The following E2F3 variants were observed in gnomAD, a reference collection of about 807,000 sequenced individuals.
E2F3 encodes the protein transcription factor E2F3.
E2F3 carries 11 observed loss-of-function variants against 44.4 expected under a neutral mutation model. The observed-to-expected ratio is 0.25, with a 90% CI of 0.16 to 0.41. E2F3 has a LOEUF of 0.41. Ranked by LOEUF, E2F3 falls within the 10% of genes least tolerant of loss-of-function variation. The pLI, the probability that E2F3 is intolerant of heterozygous loss-of-function variation, is 1.00. For missense variants in E2F3, 487 were observed against 583.6 expected (o/e 0.83, Z 1.70); for synonymous variants, 249 against 253.0 (o/e 0.98, Z 0.15).
At chr6:20,438,427 TTGCC>T (rs1760664359) in intron 1 of E2F3, among the ~76,000 whole-genome samples, 1 of 152,216 alleles carries the variant, frequency 6.6e-6, no homozygotes, top group Non-Finnish European at 1.5e-5. Flanking sequence ...CAACTGGGCT[TTGCC>T]TCAAGGTGTA....
At chr6:20,471,311 G>C (rs148099885) in intron 1 of E2F3, among the ~76,000 whole-genome samples, 6 of 152,144 alleles carry the variant, frequency 3.9e-5, no homozygotes, top group Admixed American at 3.9e-4. Context: ...GGCCGGGCAC[G>C]GTGGCTCACA....
intron 1 of E2F3, among the ~76,000 whole-genome samples, chr6:20,477,163 G>T (rs1224425469): frequency 2.0e-5 from 3 of 151,890 alleles, no homozygotes; most frequent in African/African-American, 7.3e-5. Context: ...TTAGTGATGG[G>T]GGGTCTTGCT....
At chr6:20,422,370 T>C (rs1275853738) in intron 1 of E2F3, among the ~76,000 whole-genome samples, 1 of 152,234 alleles carries the variant, frequency 6.6e-6, no homozygotes, top group Non-Finnish European at 1.5e-5. Context: ...TTTGATCTTC[T>C]ATCCAGACCA....
At position 20,402,706 on chromosome 6, in the gene E2F3, C is replaced by T; in HGVS notation, c.393+81C>T. 6 of 1,272,490 alleles carry T rather than the reference C, an allele frequency of 4.7e-6. No homozygotes were observed. The highest frequency in any genetic ancestry group is 5.9e-6 in the Non-Finnish European group (6 of 1,012,748). The allele number at this position is 1,272,490 out of a possible 1,614,324, so 78.8% of individuals were successfully genotyped here. On this transcript the variant is annotated intron_variant, in intron 1 of 6. Transcript: ENST00000346618. This position sits in a 1 kb window ranked among gnomAD's most constrained non-coding sequence, Gnocchi z 5.6. ...CGCGGGGTCGTGGGCGCGCTGCGGG[C>T]CGCTCGGGGAGAGCACTGGGCCGAG...
intron 1 of E2F3, among the ~76,000 whole-genome samples, chr6:20,446,427 C>T (rs953507095): frequency 1.3e-5 from 2 of 152,210 alleles, no homozygotes; most frequent in Admixed American, 1.3e-4. Context: ...ATTAGGAGTG[C>T]CTACACGGCA....
At chr6:20,480,962 CTT>C (rs1272295953) in intron 2 of E2F3, among the ~76,000 whole-genome samples, 1 of 152,178 alleles carries the variant, frequency 6.6e-6, no homozygotes, top group African/African-American at 2.4e-5. Context: ...GGTAGAAACT[CTT>C]GAGAAATTCA....
intron 1 of E2F3, among the ~76,000 whole-genome samples, chr6:20,448,515 A>AT (rs1396810294): frequency 1.3e-5 from 2 of 152,120 alleles, no homozygotes; most frequent in African/African-American, 4.8e-5. Context: ...GTAAAATATG[A>AT]TTTTTTTAGG....
chr6:20,449,064 T>C (rs1174694719), intron 1 of E2F3, among the ~76,000 whole-genome samples: 1 of 152,218 alleles, frequency 6.6e-6, no homozygotes, highest in African/African-American at 2.4e-5. Flanking sequence ...CTAACCCTAT[T>C]GCTTGACTCG....
chr6:20,403,193 A>G (rs1186407294), intron 1 of E2F3, among the ~76,000 whole-genome samples: 1 of 149,658 alleles, frequency 6.7e-6, no homozygotes, highest in African/African-American at 2.5e-5. Context: ...CCCGGCAACA[A>G]AGGGGCTGGG....
intron 1 of E2F3, among the ~76,000 whole-genome samples, chr6:20,412,654 G>A (rs1395779278): frequency 6.6e-6 from 1 of 152,130 alleles, no homozygotes; most frequent in Non-Finnish European, 1.5e-5. Context: ...GATTGTTCAC[G>A]AATAAAGAAG....
At chr6:20,474,802 T>A (rs757958649) in intron 1 of E2F3, among the ~76,000 whole-genome samples, 1 of 152,224 alleles carries the variant, frequency 6.6e-6, no homozygotes, top group Non-Finnish European at 1.5e-5. Flanking sequence ...ATTCTAATTA[T>A]TGCACCCATG....
At chr6:20,411,988 C>T (rs1271899674) in intron 1 of E2F3, among the ~76,000 whole-genome samples, 1 of 152,208 alleles carries the variant, frequency 6.6e-6, no homozygotes, top group Non-Finnish European at 1.5e-5. Context: ...TCATTAGACA[C>T]CTTCCATGTG....
intron 1 of E2F3, among the ~76,000 whole-genome samples, chr6:20,412,499 A>C (rs981988012): frequency 1.3e-5 from 2 of 152,096 alleles, no homozygotes; most frequent in Non-Finnish European, 2.9e-5. Flanking sequence ...GTCAGGAGGC[A>C]GCATTTGGAC....
At position 20,402,436 on chromosome 6, in the gene E2F3, C is replaced by T. The variant is rs1203672196; in HGVS notation, c.204C>T (p.Thr68=). The T allele has an allele frequency of 6.2e-7, 1 of 1,611,570 alleles. No homozygotes were observed. The highest frequency in any genetic ancestry group is 8.5e-7 in the Non-Finnish European group (1 of 1,179,484). Residue 68 remains threonine (T), a synonymous_variant, in exon 1 of 7, where the codon ACC becomes ACT. Coordinates refer to ENST00000346618, the MANE Select transcript of E2F3 (RefSeq NM_001949.5). The surrounding 1 kb of genome is among the most constrained non-coding windows in gnomAD (Gnocchi z 5.6). ...TCCTCACCACGAACACTTCCACCAC[C>T]TCCTGTTCCTCCTCCCTCCAAAGCG... The part of the protein sequence containing the change: ...IQILTTNTST[T]SCSSSLQSGA...
rs866711968 is a variant in E2F3 at position 20,473,928 on chromosome 6, T to G, written c.394-5918T>G. ...ACTTTGATGGGAAGAGTCGTCCTAA[T>G]GTTGATCAGTCTCAAGTCTTGTCTT... On this transcript the variant is annotated intron_variant, in intron 1 of 6. Transcript: ENST00000346618. Among the ~76,000 whole-genome samples the G allele has an allele frequency of 3.9e-5, 6 of 152,274 alleles. 1 individual carries two copies. Among genetic ancestry groups the G allele is most frequent in the Non-Finnish European group, 8.8e-5 (6 of 68,022 alleles).
At position 20,404,044 on chromosome 6, in the gene E2F3, C is replaced by T. The variant is rs555327267; in HGVS notation, c.393+1419C>T. The stretch of plus-strand genomic sequence containing the variant: ...AACCTCGGGGCGGGAGTGTCTGCCC[C>T]AGGGGGTGGGTATGGTGTTTACGTG... On this transcript the variant is annotated intron_variant, in intron 1 of 6. Coordinates refer to ENST00000346618, the MANE Select transcript of E2F3 (RefSeq NM_001949.5). Among the ~76,000 whole-genome samples the T allele has an allele frequency of 8.5e-5, 13 of 152,172 alleles. No homozygotes were observed. In the East Asian group the frequency reaches 2.5e-3, roughly 29 times the overall value.
At chr6:20,442,091 C>A (rs1471720927) in intron 1 of E2F3, among the ~76,000 whole-genome samples, 1 of 151,974 alleles carries the variant, frequency 6.6e-6, no homozygotes, top group African/African-American at 2.4e-5. Context: ...TCTGCCTGCC[C>A]CTTTGGTGTT....
chr6:20,475,615 C>A (rs1762020032), intron 1 of E2F3, among the ~76,000 whole-genome samples: 1 of 152,194 alleles, frequency 6.6e-6, no homozygotes, highest in Non-Finnish European at 1.5e-5. Context: ...AATTCTCATG[C>A]CCCAGCCTCC....
intron 1 of E2F3, among the ~76,000 whole-genome samples, chr6:20,427,237 C>T (rs1760246127): frequency 6.6e-6 from 1 of 152,148 alleles, no homozygotes; most frequent in South Asian, 2.1e-4. Context: ...TCCCTATGTC[C>T]ACTCCTACAG....
Sources: gnomAD v4.1 joint callset for allele counts (sites outside exome capture counted in the v4.1 genomes callset) on GRCh38, gnomAD v4.1.1 for gene constraint, Gnocchi (gnomAD v3.1) non-coding constraint, MANE v1.5 for transcripts, NCBI Gene and HGNC (gene_info 2026-07-23, HGNC 2026-07-21) for gene names.